Variants in SEC14L5 observed in about 807,000 individuals in gnomAD.
SEC14L5 encodes the protein SEC14 like lipid binding 5.
Under a neutral mutation model 84.6 loss-of-function variants are expected in SEC14L5, and 96 were observed. The observed-to-expected ratio is 1.13, with a 90% confidence interval of 0.96 to 1.34. SEC14L5 has a LOEUF of 1.34. Among genes scored for constraint, SEC14L5 ranks in the 40% most tolerant of loss-of-function variants. The probability of loss-of-function intolerance (pLI) is 0.00; values close to 1 mark genes in which losing one functional copy is unlikely to be tolerated. For missense variants in SEC14L5, 1,224 were observed against 942.5 expected (o/e 1.30, Z -3.91); for synonymous variants, 546 against 383.4 (o/e 1.42, Z -4.95).
intron 6 of SEC14L5, among the ~76,000 whole-genome samples, chr16:4,992,899 C>T (rs955108916): frequency 1.6e-4 from 24 of 152,120 alleles, no homozygotes; most frequent in African/African-American, 5.3e-4. Flanking sequence ...ATGTTGAATA[C>T]GTGAGAACAT....
At chr16:4,960,248 T>C (rs1259997857) in intron 2 of SEC14L5, among the ~76,000 whole-genome samples, 1 of 151,886 alleles carries the variant, frequency 6.6e-6, no homozygotes, top group East Asian at 1.9e-4. Flanking sequence ...CGGGGAGGAG[T>C]AAATGAGATA....
chr16:5,012,080 C>A (rs973393470), intron 15 of SEC14L5, among the ~76,000 whole-genome samples: 1 of 152,172 alleles, frequency 6.6e-6, no homozygotes, highest in Non-Finnish European at 1.5e-5. Context: ...CCAGGTGGAG[C>A]TCCAAGGATC....
intron 12 of SEC14L5, 148 bp from the exon 13 acceptor site, chr16:5,007,204 A>C: frequency 1.6e-6 from 1 of 617,808 alleles, no homozygotes; most frequent in Non-Finnish European, 2.8e-6. Flanking sequence ...GGACCTGGGG[A>C]TTAAATGGGG....
chr16:4,973,903 T>C (rs891575264), intron 2 of SEC14L5, among the ~76,000 whole-genome samples: 2 of 152,006 alleles, frequency 1.3e-5, no homozygotes, highest in African/African-American at 4.8e-5. Context: ...AGGCTGGTCT[T>C]GAACTCCTCA....
chr16:5,013,149 A>AT, intron 15 of SEC14L5, among the ~76,000 whole-genome samples: 1 of 152,210 alleles, frequency 6.6e-6, no homozygotes, highest in South Asian at 2.1e-4. Flanking sequence ...ACCTCCCACC[A>AT]GATCCCTCCC....
Position 4,988,298 on chromosome 16 carries a change from T to C in SEC14L5, c.345+18T>C. The C allele has an allele frequency of 1.2e-6, 2 of 1,612,386 alleles. No homozygotes were observed. Among genetic ancestry groups the C allele is most frequent in the Non-Finnish European group, 1.7e-6 (2 of 1,179,322 alleles). On this transcript the variant is annotated intron_variant, in intron 4 of 15. Coordinates refer to ENST00000251170, the MANE Select transcript of SEC14L5 (RefSeq NM_014692.2). ...GCTACACGGTGAGCCCAGGCCACCC[T>C]CAGCGCCCACGCCCGGCACCCACCT... is the stretch of plus-strand genomic sequence containing the variant.
At chr16:4,971,225 G>A (rs894823526) in intron 2 of SEC14L5, among the ~76,000 whole-genome samples, 1 of 152,210 alleles carries the variant, frequency 6.6e-6, no homozygotes, top group Admixed American at 6.6e-5. Context: ...GGAATGCTAA[G>A]GCAAGAGGAT....
At chr16:4,965,400 G>A (rs569885793) in intron 2 of SEC14L5, among the ~76,000 whole-genome samples, 200 of 152,208 alleles carry the variant, frequency 1.3e-3, no homozygotes, top group African/African-American at 4.4e-3. Flanking sequence ...GGTGGCTCAC[G>A]CCTGTAATCC....
At chr16:4,987,751 G>A (rs1191566824) in intron 3 of SEC14L5, 45 bp downstream of exon 3, 5 of 1,389,150 alleles carry the variant, frequency 3.6e-6, no homozygotes, top group South Asian at 3.0e-5. Flanking sequence ...GACCTGTTGC[G>A]GAGGTGCGGG....
chr16:4,963,636 G>T (rs112885242), intron 2 of SEC14L5, among the ~76,000 whole-genome samples: 17,833 of 151,636 alleles, frequency 0.12, 1,193 homozygotes, highest in Non-Finnish European at 0.15. Flanking sequence ...GCGAGCCACT[G>T]GGCCCAGGCT....
intron 1 of SEC14L5, among the ~76,000 whole-genome samples, chr16:4,959,027 G>A (rs77847290): frequency 1.3e-5 from 2 of 152,072 alleles, no homozygotes; most frequent in East Asian, 3.9e-4. Context: ...TGAAGGGGTG[G>A]GGGTAGAGGA....
chr16:4,975,550 G>A (rs1343034970), intron 2 of SEC14L5, among the ~76,000 whole-genome samples: 1 of 150,802 alleles, frequency 6.6e-6, no homozygotes, highest in Non-Finnish European at 1.5e-5. Flanking sequence ...TATATACCAC[G>A]TTTCTAAAAT....
chr16:4,979,659 C>T (rs771512671), intron 2 of SEC14L5, among the ~76,000 whole-genome samples: 10 of 152,286 alleles, frequency 6.6e-5, no homozygotes, highest in Middle Eastern at 3.4e-3. Flanking sequence ...GCAGTTCTCC[C>T]GGGGCCTGGA....
At chr16:4,968,041 CAG>C (rs1432728238) in intron 2 of SEC14L5, among the ~76,000 whole-genome samples, 2 of 142,836 alleles carry the variant, frequency 1.4e-5, no homozygotes, top group Non-Finnish European at 3.0e-5. Flanking sequence ...TTTTTTGAGA[CAG>C]GGGCTTGCTC....
At chr16:4,981,649 A>G (rs1031201279) in intron 2 of SEC14L5, among the ~76,000 whole-genome samples, 5 of 152,094 alleles carry the variant, frequency 3.3e-5, no homozygotes, top group Non-Finnish European at 7.4e-5. Flanking sequence ...CTGCTGAGCA[A>G]ACGGTTCTTG....
chr16:4,972,125 C>G (rs1411083839), intron 2 of SEC14L5, among the ~76,000 whole-genome samples: 2 of 151,990 alleles, frequency 1.3e-5, no homozygotes, highest in Admixed American at 1.3e-4. Context: ...CCCACCTCAG[C>G]TACCTGAGTA....
chr16:4,992,037 G>A lies in SEC14L5; in HGVS notation c.667+7G>A. 6.5e-7 allele frequency: 1 copy of A among 1,548,772 alleles called. No homozygotes were observed. On this transcript the variant is annotated splice_region_variant and intron_variant, in intron 6 of 15. Transcript: ENST00000251170. ...GAGGCGGTCAGTATGGACGGTAGGT[G>A]GTACAGCCCAGGCCAGTCAGCCCTA...
chr16:4,998,686 C>G (rs1053254904), intron 8 of SEC14L5, among the ~76,000 whole-genome samples: 2 of 139,724 alleles, frequency 1.4e-5, no homozygotes, highest in South Asian at 4.7e-4. Flanking sequence ...TGCAGTGAGC[C>G]GAGATCCCGC....
At chr16:5,014,755 C>T (rs1955851734) in intron 15 of SEC14L5, 104 bp from the exon 16 acceptor site, 4 of 830,990 alleles carry the variant, frequency 4.8e-6, no homozygotes, top group African/African-American at 1.7e-5. Flanking sequence ...GCCTGGGGCC[C>T]TGGGGCCTGA....
Sources: allele counts gnomAD v4.1 joint callset (sites outside exome capture counted in the v4.1 genomes callset), GRCh38; gene constraint gnomAD v4.1.1; transcripts MANE v1.5; gene names NCBI Gene and HGNC (gene_info 2026-07-23, HGNC 2026-07-21).